BCOR: variants seen among roughly 807,000 people sequenced by gnomAD.
The protein encoded by BCOR is BCL6 corepressor.
BCOR carries 10 observed loss-of-function variants against 86.7 expected under a neutral mutation model. That is an observed-to-expected ratio of 0.12 (90% confidence interval 0.07 to 0.20). The LOEUF (loss-of-function observed/expected upper bound fraction) is 0.20, where lower values mean the gene tolerates loss of function less well. Ranked by LOEUF, BCOR falls within the 10% of genes least tolerant of loss-of-function variation. The pLI, the probability that BCOR is intolerant of heterozygous loss-of-function variation, is 1.00. For missense variants in BCOR, 1,259 were observed against 1,452.1 expected (o/e 0.87, Z 2.16); for synonymous variants, 611 against 609.0 (o/e 1.00, Z -0.05).
At position 40,139,394 on chromosome X, in the gene BCOR, CATATATATATATATATATATA is replaced by C. The variant is rs1913550066; in HGVS notation, c.-41+37592_-41+37612del. On this transcript the variant is annotated intron_variant, in intron 1 of 14. Coordinates refer to the BCOR transcript ENST00000342274. ...TATATATATATATATAATATATATACATATATATATATATATATATAATATATATACATATATATATATATA... is the reference window on the plus strand; with the variant it reads ...TATATATATATATATAATATATATACATATATATACATATATATATATATA... 1.8e-3 allele frequency among the ~76,000 whole-genome samples: 9 copies of C among 4,894 alleles called. 2 individuals are homozygous for C. Among genetic ancestry groups the C allele is most frequent in the Admixed American group, 0.011 (2 of 175 alleles). The allele number at this position is 4,894 out of a possible 115,157, so 4.2% of individuals were successfully genotyped here.
In BCOR at chrX:40,053,908, T is replaced by A. The variant is rs1934451403; in HGVS notation, c.4954A>T (p.Ile1652Phe). 1.7e-6 allele frequency: 2 copies of A among 1,211,439 alleles called. No individual in the cohort carries two copies. The highest frequency in any genetic ancestry group is 2.2e-6 in the Non-Finnish European group (2 of 895,365). ...SETPLLPCYN[I>F]QVSVAQGPRN... is the part of the protein sequence containing the mutation. Reference sequence around the variant, plus strand: ...CACCCCTGAGCCACAGATACTTGGATGTTATAACACGGTAAGAGGGGGGTC... The same window carrying A: ...CACCCCTGAGCCACAGATACTTGGAAGTTATAACACGGTAAGAGGGGGGTC... Residue 1652 changes from isoleucine (I) to phenylalanine (F), a missense_variant, in exon 14 of 15, where the codon ATC (isoleucine) becomes TTC (phenylalanine). Around this residue, in one of 7 missense-constraint regions of BCOR, gnomAD observed 137 missense variants for 149.8 expected, o/e 0.91. Coordinates refer to ENST00000378444, the MANE Select transcript of BCOR (RefSeq NM_001123385.2).
At chrX:40,075,318 C>CGGGG in intron 3 of BCOR, 138 bp from the exon 4 acceptor site, 8 of 91,285 alleles carry the variant, frequency 8.8e-5, no homozygotes, top group Admixed American at 1.5e-4. Context: ...TCCGGCGGGG[C>CGGGG]GGGGGTGGGG....
chrX:40,058,911 C>CTG (rs1261940800), intron 10 of BCOR, among the ~76,000 whole-genome samples: 1 of 112,113 alleles, frequency 8.9e-6, no homozygotes, highest in East Asian at 2.8e-4. Context: ...AGCTAATGAG[C>CTG]TGTGTACCCA....
chrX:40,164,384 G>A (rs1938473956), intron 1 of BCOR, among the ~76,000 whole-genome samples: 1 of 112,876 alleles, frequency 8.9e-6, no homozygotes, highest in Non-Finnish European at 1.9e-5. Flanking sequence ...CTAAATCCAT[G>A]GAAGAAGGTG....
intron 1 of BCOR, among the ~76,000 whole-genome samples, chrX:40,116,090 T>A (rs754670865): frequency 8.9e-6 from 1 of 111,921 alleles, no homozygotes; most frequent in Non-Finnish European, 1.9e-5. Context: ...AGAGAGTCAC[T>A]AATGTTCTTC....
At chrX:40,075,341 C>A (rs1002007227) in intron 3 of BCOR, among the ~76,000 whole-genome samples, 161 bp from the exon 4 acceptor site, 6 of 110,851 alleles carry the variant, frequency 5.4e-5, no homozygotes, top group South Asian at 7.7e-4. Flanking sequence ...TCTGTTTCCC[C>A]ACCCCCTTAT....
At chrX:40,068,742 A>G (rs1166704867) in intron 6 of BCOR, among the ~76,000 whole-genome samples, 1 of 113,253 alleles carries the variant, frequency 8.8e-6, no homozygotes, top group Non-Finnish European at 1.9e-5. Context: ...GTTTGGGGAC[A>G]CTCCTAACTC....
At chrX:40,061,416 C>T (rs1031823785) in intron 10 of BCOR, among the ~76,000 whole-genome samples, 2 of 111,413 alleles carry the variant, frequency 1.8e-5, no homozygotes, top group African/African-American at 3.3e-5. Flanking sequence ...GACTCAGTTT[C>T]CTCATCTGAA....
chrX:40,057,465 G>C (rs1324982021), intron 10 of BCOR, 144 bp from the exon 11 acceptor site: 10 of 605,329 alleles, frequency 1.7e-5, no homozygotes, highest in Non-Finnish European at 2.4e-5. Flanking sequence ...TCTTGGTGAG[G>C]GGGAAACACA....
chrX:40,064,822 G>C (rs749141545), intron 6 of BCOR, among the ~76,000 whole-genome samples: 5 of 111,776 alleles, frequency 4.5e-5, no homozygotes, highest in African/African-American at 1.6e-4. Flanking sequence ...AGCAGAGTGA[G>C]GTGCATGTCA....
intron 1 of BCOR, among the ~76,000 whole-genome samples, chrX:40,157,832 C>T (rs1313665211): frequency 8.9e-6 from 1 of 112,341 alleles, no homozygotes; most frequent in Non-Finnish European, 1.9e-5. Context: ...CTACACTGCG[C>T]GCATACCGAT....
In BCOR at chrX:40,072,836, G is replaced by A. The variant is rs1935546091; in HGVS notation, c.2510C>T (p.Pro837Leu). The A allele has an allele frequency of 8.3e-7, 1 of 1,211,724 alleles. No homozygotes were observed. The highest frequency in any genetic ancestry group is 3.0e-5 in the East Asian group (1 of 33,849). Reference protein sequence around the residue: ...AAESVGQSAEPPKPSVEPALQ... With the variant: ...AAESVGQSAELPKPSVEPALQ... Reference sequence around the variant, plus strand: ...GGCCGGCTCAACTGAGGGCTTGGGGGGCTCAGCGCTCTGGCCAACACTCTC... The same window carrying A: ...GGCCGGCTCAACTGAGGGCTTGGGGAGCTCAGCGCTCTGGCCAACACTCTC... Residue 837 changes from proline (P) to leucine (L), a missense_variant, in exon 4 of 15, where the codon CCC becomes CTC. Pro to Leu is a moderately conservative substitution (Grantham distance 98, BLOSUM62 -3). This residue lies in a region of BCOR where 534 missense variants were observed against 594.8 expected (regional missense o/e 0.90). Transcript: ENST00000378444.
chrX:40,169,842 G>T (rs1437950383), intron 1 of BCOR, among the ~76,000 whole-genome samples: 1 of 111,390 alleles, frequency 9.0e-6, no homozygotes, highest in South Asian at 3.8e-4. Context: ...GGCGCTGCAC[G>T]GGGGGCAATG....
chrX:40,057,187 A>T lies in BCOR; in HGVS notation c.4563T>A (p.Ala1521=). 8.3e-7 allele frequency: 1 copy of T among 1,211,955 alleles called. No individual in the cohort carries two copies. The highest frequency in any genetic ancestry group is 1.7e-5 in the African/African-American group (1 of 57,874). ...CATCCTGGGCACTACAGTTGACATC[A>T]GCGCCATATTCAAGGAGGTGTCGCA... ...NIVRHLLEYG[A]DVNCSAQDGT... is the part of the protein sequence containing the mutation. The change falls in exon 11 of 15, where the codon GCT becomes GCA. Residue 1521 remains alanine (A), a synonymous_variant. Transcript: ENST00000378444.
chrX:40,077,703 C>G, intron 2 of BCOR, 141 bp downstream of exon 2: 2 of 535,205 alleles, frequency 3.7e-6, no homozygotes, highest in Middle Eastern at 5.3e-4. Flanking sequence ...CCTGTTAAAA[C>G]TGTAAATCAA....
At chrX:40,094,511 C>G (rs1280562574) in intron 1 of BCOR, among the ~76,000 whole-genome samples, 1 of 113,235 alleles carries the variant, frequency 8.8e-6, no homozygotes, top group Non-Finnish European at 1.9e-5. Context: ...GCTGCCGGGG[C>G]ACAGTCACAG....
At chrX:40,081,612 C>T (rs904659266) in intron 1 of BCOR, among the ~76,000 whole-genome samples, 2 of 112,557 alleles carry the variant, frequency 1.8e-5, no homozygotes, top group Non-Finnish European at 3.8e-5. Context: ...CCACCCCCCA[C>T]TTCTTCCAAA....
At chrX:40,052,429 G>C (rs976427726) in intron 14 of BCOR, 29 bp from the exon 15 acceptor site, 1 of 1,197,372 alleles carries the variant, frequency 8.4e-7, no homozygotes, top group Non-Finnish European at 1.1e-6. Flanking sequence ...AATGCTTTGA[G>C]TTTCCAGTAA....
At position 40,056,281 on chromosome X, in the gene BCOR, T is replaced by TAAAAAAAAAAAAAAAAAA. The variant is rs60712024; in HGVS notation, c.4596-786_4596-769dup. Among the ~76,000 whole-genome samples the TAAAAAAAAAAAAAAAAAA allele has an allele frequency of 5.9e-4, 36 of 61,439 alleles. 2 individuals carry two copies. The highest frequency in any genetic ancestry group is 1.9e-3 in the African/African-American group (27 of 14,594). 53.4% of individuals were successfully genotyped at this position (61,439 alleles called of 115,157 possible). On this transcript the variant is annotated intron_variant, in intron 11 of 14. Coordinates refer to ENST00000378444, the MANE Select transcript of BCOR (RefSeq NM_001123385.2). ...AATACAACAAGCAACTGTCACACAT[T>TAAAAAAAAAAAAAAAAAA]AAAAAAAAAAAAAAAAAAAAGCCAC... is the stretch of plus-strand genomic sequence containing the variant.
Sources: gnomAD v4.1 joint callset for allele counts (sites outside exome capture counted in the v4.1 genomes callset) on GRCh38, gnomAD v4.1.1 for gene constraint, gnomAD v4.1.1 regional missense constraint, MANE v1.5 for transcripts, NCBI Gene and HGNC (gene_info 2026-07-23, HGNC 2026-07-21) for gene names.